Variants in SNX5 observed in about 807,000 individuals in gnomAD.
SNX5 encodes the protein sorting nexin-5.
Under a neutral mutation model 53.9 loss-of-function variants are expected in SNX5, and 31 were observed. The ratio of observed to expected loss-of-function variants is 0.58; its 90% CI spans 0.43 to 0.78. SNX5 has a LOEUF of 0.78. Ranked by LOEUF, SNX5 falls within the 30% of genes least tolerant of loss-of-function variation. SNX5 has a pLI of 0.00. For synonymous variants in SNX5, 168 were observed against 171.1 expected, an observed-to-expected ratio of 0.98 and a Z score of 0.14; for missense variants, 471 against 478.8, an observed-to-expected ratio of 0.98 and a Z score of 0.15.
intron 1 of SNX5, among the ~76,000 whole-genome samples, chr20:17,966,364 GAC>G (rs1290177248): frequency 6.8e-6 from 1 of 147,298 alleles, no homozygotes; most frequent in Non-Finnish European, 1.5e-5. Context: ...CAGCCTGGAC[GAC>G]AGAGCGAGAC....
chr20:17,966,898 G>T (rs2035547124), intron 1 of SNX5, among the ~76,000 whole-genome samples: 1 of 152,126 alleles, frequency 6.6e-6, no homozygotes, highest in South Asian at 2.1e-4. Context: ...CATCAGCAGA[G>T]ATCAGAAAAC....
intron 1 of SNX5, among the ~76,000 whole-genome samples, chr20:17,960,590 G>A (rs1400547023): frequency 2.7e-5 from 4 of 145,742 alleles, no homozygotes; most frequent in South Asian, 2.2e-4. Flanking sequence ...GCGAAACTCC[G>A]TCTTAAAAAA....
intron 1 of SNX5, chr20:17,962,156 AAAC>A (rs1192128951): frequency 1.0e-5 from 2 of 192,536 alleles, no homozygotes; most frequent in African/African-American, 2.4e-5. Context: ...GGTGTGTGAG[AAAC>A]AACTGGTTCA....
chr20:17,958,117 A>C (rs1389774853), intron 1 of SNX5, among the ~76,000 whole-genome samples: 1 of 152,160 alleles, frequency 6.6e-6, no homozygotes, highest in Non-Finnish European at 1.5e-5. Context: ...GGTGGTGGTC[A>C]ATCTGAAAAC....
At chr20:17,950,504 G>C (rs563944539) in intron 6 of SNX5, 108 bp from the exon 7 acceptor site, 2 of 652,880 alleles carry the variant, frequency 3.1e-6, no homozygotes, top group Non-Finnish European at 5.3e-6. Context: ...GCATATAAAC[G>C]TGAGTAAAGT....
In SNX5 at chr20:17,956,304, C is replaced by T. The variant is rs112345850; in HGVS notation, c.156+629G>A. 9.6e-3 allele frequency among the ~76,000 whole-genome samples: 1,463 copies of T among 152,288 alleles called. 23 individuals are homozygous for T. The highest frequency in any genetic ancestry group is 0.034 in the African/African-American group (1,410 of 41,548). On this transcript the variant is annotated intron_variant, in intron 2 of 12. Transcript: ENST00000377759. Reference sequence around the variant, plus strand: ...TCTTTTTACACTACCTCCGGAATAACTGAAGTGTGCTATTCAAGCCGCCCA... The same window carrying T: ...TCTTTTTACACTACCTCCGGAATAATTGAAGTGTGCTATTCAAGCCGCCCA...
intron 1 of SNX5, among the ~76,000 whole-genome samples, chr20:17,965,984 CT>C (rs2035530724): frequency 1.3e-5 from 2 of 152,180 alleles, no homozygotes; most frequent in South Asian, 4.1e-4. Flanking sequence ...AAAAATACCC[CT>C]AGAGGCAGCT....
Position 17,965,956 on chromosome 20 carries a change from T to A in SNX5, c.51+2419A>T, listed in dbSNP as rs142764504. On this transcript the variant is annotated intron_variant, in intron 1 of 12. Transcript: ENST00000377759. ...TCCTATACTAACCAACTGCACTCCA[T>A]TCTAGCTAATGGAGAACAAAAATAC... 4.5e-3 allele frequency among the ~76,000 whole-genome samples: 682 copies of A among 151,868 alleles called. 6 individuals are homozygous for A. Among genetic ancestry groups the A allele is most frequent in the African/African-American group, 0.016 (664 of 41,522 alleles).
Position 17,968,412 on chromosome 20 carries a change from G to A in SNX5, c.14C>T (p.Pro5Leu). The change falls in exon 1 of 13, where the codon CCC becomes CTC. Residue 5 changes from proline to leucine, a missense_variant. Coordinates refer to ENST00000377759, the MANE Select transcript of SNX5 (RefSeq NM_014426.4). MAAV[P>L]ELLQQQEEDR... ...CTCCTCCTGCTGCTGCAGCAACTCG[G>A]GAACCGCGGCCATGGCGACGCGGGA... The A allele has an allele frequency of 1.6e-6, 2 of 1,289,566 alleles. No homozygotes were observed. The highest frequency in any genetic ancestry group is 2.0e-6 in the Non-Finnish European group (2 of 1,015,312). 79.9% of individuals were successfully genotyped at this position (1,289,566 alleles called of 1,614,324 possible).
At chr20:17,943,274 C>A in intron 11 of SNX5, 79 bp from the exon 12 acceptor site, 1 of 923,340 alleles carries the variant, frequency 1.1e-6, no homozygotes, top group Non-Finnish European at 1.8e-6. Flanking sequence ...AAATGGCATT[C>A]TTACAAATGG....
chr20:17,963,263 C>T (rs188732923), intron 1 of SNX5, among the ~76,000 whole-genome samples: 4 of 152,028 alleles, frequency 2.6e-5, no homozygotes, highest in Admixed American at 6.5e-5. Flanking sequence ...GAGGATCGCC[C>T]GCGGCCAGGA....
Position 17,948,923 on chromosome 20 carries a change from G to A in SNX5, c.885C>T (p.Leu295=). Reference sequence around the variant, plus strand: ...CTTCAATGTTGAGCATGTAGTATCGGAGGAGCTCTGTTAGCTTCAAATCTT... The same window carrying A: ...CTTCAATGTTGAGCATGTAGTATCGAAGGAGCTCTGTTAGCTTCAAATCTT... ...SDEDLKLTEL[L]RYYMLNIEAA... The change falls in exon 10 of 13, where the codon CTC becomes CTT. Residue 295 remains leucine (L), a synonymous_variant. Coordinates refer to ENST00000377759, the MANE Select transcript of SNX5 (RefSeq NM_014426.4). The A allele has an allele frequency of 2.5e-6, 4 of 1,612,126 alleles. 1 individual carries two copies. In the South Asian group the frequency reaches 4.4e-5, roughly 18 times the overall value.
intron 3 of SNX5, among the ~76,000 whole-genome samples, chr20:17,954,392 T>C (rs939934523): frequency 6.6e-6 from 1 of 152,232 alleles, no homozygotes; most frequent in African/African-American, 2.4e-5. Flanking sequence ...GTGTCTATAC[T>C]GCTTCAGTGT....
At position 17,942,972 on chromosome 20, in the gene SNX5, G is replaced by A. The variant is rs1046954185; in HGVS notation, c.1164+138C>T. 8 of 628,498 alleles carry A rather than the reference G, an allele frequency of 1.3e-5. No individual in the cohort carries two copies. In the South Asian group the frequency reaches 1.5e-4, roughly 12 times the overall value. The allele number at this position is 628,498 out of a possible 1,614,324, so 38.9% of individuals were successfully genotyped here. A position where few individuals can be genotyped will look rare whatever the true frequency, so the allele number is the denominator to read the frequency against. ...CAAGACTACAAATAAACAATGAGTGGCTCCCATCAACTAAGTACTACAGAC... is the reference window on the plus strand; with the variant it reads ...CAAGACTACAAATAAACAATGAGTGACTCCCATCAACTAAGTACTACAGAC... On this transcript the variant is annotated intron_variant, in intron 12 of 12. Transcript: ENST00000377759.
At chr20:17,960,322 A>G (rs1232053677) in intron 1 of SNX5, among the ~76,000 whole-genome samples, 1 of 151,852 alleles carries the variant, frequency 6.6e-6, no homozygotes, top group Admixed American at 6.6e-5. Context: ...GTGGCCAGGC[A>G]CGGTGGCTCA....
At chr20:17,950,957 A>G (rs1173854259) in intron 6 of SNX5, 5 of 158,282 alleles carry the variant, frequency 3.2e-5, no homozygotes, top group African/African-American at 1.2e-4. Context: ...CCAGACAGTA[A>G]TTGTAAGGGT....
At chr20:17,956,673 C>CCAAA (rs2035361213) in intron 2 of SNX5, among the ~76,000 whole-genome samples, 2 of 84,878 alleles carry the variant, frequency 2.4e-5, no homozygotes, top group African/African-American at 9.5e-5. Flanking sequence ...AGACTGTCTC[C>CCAAA]AAAAAAAAAA....
intron 11 of SNX5, chr20:17,943,550 A>C (rs556731749): frequency 9.1e-4 from 167 of 183,358 alleles, no homozygotes; most frequent in African/African-American, 3.6e-3. Flanking sequence ...CACATACTTC[A>C]CCAATGGCTT....
chr20:17,955,761 T>C (rs1338027218), intron 2 of SNX5, among the ~76,000 whole-genome samples: 2 of 152,160 alleles, frequency 1.3e-5, no homozygotes, highest in Non-Finnish European at 2.9e-5. Context: ...ACCCTAATTC[T>C]ATTTTTTTGT....
Sources: allele counts gnomAD v4.1 joint callset (sites outside exome capture counted in the v4.1 genomes callset), GRCh38; gene constraint gnomAD v4.1.1; transcripts MANE v1.5; gene names NCBI Gene and HGNC (gene_info 2026-07-23, HGNC 2026-07-21).